Variants in PTPRN2 observed in about 807,000 individuals in gnomAD.
PTPRN2 encodes receptor-type tyrosine-protein phosphatase N2.
A neutral mutation model predicts 118.8 loss-of-function variants in PTPRN2; 74 were observed. The observed-to-expected ratio is 0.62, with a 90% CI of 0.52 to 0.76. The LOEUF (loss-of-function observed/expected upper bound fraction) is 0.76, where lower values mean the gene tolerates loss of function less well. PTPRN2 is among the 30% of genes least tolerant of loss of function. The pLI, the probability that PTPRN2 is intolerant of heterozygous loss-of-function variation, is 0.00. For synonymous variants in PTPRN2, 641 were observed against 608.0 expected, an observed-to-expected ratio of 1.05 and a Z score of -0.80; for missense variants, 1,481 against 1,394.4, an observed-to-expected ratio of 1.06 and a Z score of -0.99.
chr7:157,643,785 T>C (rs1316067422), intron 14 of PTPRN2, among the ~76,000 whole-genome samples: 6 of 152,142 alleles, frequency 3.9e-5, no homozygotes, highest in Non-Finnish European at 7.4e-5. Flanking sequence ...TAGAAAGTGG[T>C]GGTGTCTAAA....
chr7:158,515,333 C>T (rs1422714320), intron 1 of PTPRN2, among the ~76,000 whole-genome samples: 2 of 151,936 alleles, frequency 1.3e-5, no homozygotes, highest in Admixed American at 6.6e-5. Context: ...ATTACAGGCA[C>T]GTGCCACCAT....
At chr7:157,800,057 C>T (rs2151093504) in intron 12 of PTPRN2, among the ~76,000 whole-genome samples, 1 of 151,546 alleles carries the variant, frequency 6.6e-6, no homozygotes, top group African/African-American at 2.4e-5. Context: ...AGCCGGCCTC[C>T]CCCATCCCTT....
At chr7:158,270,859 C>T (rs1372343890) in intron 3 of PTPRN2, among the ~76,000 whole-genome samples, 2 of 56,626 alleles carry the variant, frequency 3.5e-5, no homozygotes, top group African/African-American at 1.5e-4. Context: ...ACCGCCCCCC[C>T]ACCTGGACCG....
intron 3 of PTPRN2, among the ~76,000 whole-genome samples, chr7:158,253,568 G>A (rs773068783): frequency 6.6e-6 from 1 of 152,116 alleles, no homozygotes; most frequent in Non-Finnish European, 1.5e-5. Context: ...CGAAACCCAG[G>A]CCAGGACCGC....
At position 157,868,327 on chromosome 7, in the gene PTPRN2, T is replaced by C. The variant is rs1278126313; in HGVS notation, c.1788+30346A>G. Among the ~76,000 whole-genome samples, 1 of 152,202 alleles carries C rather than the reference T, an allele frequency of 6.6e-6. No homozygotes were observed. The highest frequency in any genetic ancestry group is 1.5e-5 in the Non-Finnish European group (1 of 68,022). ...GAGTTTGCCAAGTGATGAGTTTTCC[T>C]GTCTGAGCTTGTTTCCATCATCTCC... On this transcript the variant is annotated intron_variant, in intron 12 of 22. Transcript: ENST00000389418. This position sits in a 1 kb window ranked among gnomAD's most constrained non-coding sequence, Gnocchi z 5.2.
At chr7:158,276,697 CA>C (rs1419324105) in intron 3 of PTPRN2, among the ~76,000 whole-genome samples, 2 of 152,222 alleles carry the variant, frequency 1.3e-5, no homozygotes, top group African/African-American at 4.8e-5. Flanking sequence ...AGCACTGTGC[CA>C]GGGGCTCCAG....
At chr7:157,890,416 C>T (rs1054456858) in intron 12 of PTPRN2, among the ~76,000 whole-genome samples, 3 of 152,108 alleles carry the variant, frequency 2.0e-5, no homozygotes, top group Admixed American at 6.5e-5. Flanking sequence ...CCAAGGCAGG[C>T]GGATCATGAG....
In PTPRN2 at chr7:158,145,981, C is replaced by A. The variant is rs528211843; in HGVS notation, c.911-7466G>T. 2.6e-5 allele frequency among the ~76,000 whole-genome samples: 4 copies of A among 152,326 alleles called. No individual in the cohort carries two copies. In the South Asian group the frequency reaches 8.3e-4, roughly 32 times the overall value. The stretch of plus-strand genomic sequence containing the variant: ...GGTGACAAGTGAGGCATGGGCCCAG[C>A]ATACTGTAAGTGCTTAATAAATTAT... On this transcript the variant is annotated intron_variant, in intron 6 of 22. Transcript: ENST00000389418.
chr7:157,842,224 G>A (rs532803203), intron 12 of PTPRN2, among the ~76,000 whole-genome samples: 18 of 152,148 alleles, frequency 1.2e-4, no homozygotes, highest in Middle Eastern at 6.8e-3. Flanking sequence ...GTCAAACCAG[G>A]CCTCCCCCAC....
At chr7:158,203,391 T>C (rs1173863738) in intron 4 of PTPRN2, among the ~76,000 whole-genome samples, 1 of 152,190 alleles carries the variant, frequency 6.6e-6, no homozygotes, top group Admixed American at 6.5e-5. Flanking sequence ...CCATTTTTCA[T>C]AATAAAACTG....
chr7:158,146,670 G>C (rs544795116), intron 6 of PTPRN2, among the ~76,000 whole-genome samples: 1 of 146,564 alleles, frequency 6.8e-6, no homozygotes, highest in Non-Finnish European at 1.5e-5. Context: ...GTAGTGAGCT[G>C]AGATCGCGCC....
chr7:157,637,736 C>A (rs1365973992), intron 14 of PTPRN2, among the ~76,000 whole-genome samples: 2 of 152,186 alleles, frequency 1.3e-5, no homozygotes, highest in Non-Finnish European at 1.5e-5. Flanking sequence ...ACAGGGAGAC[C>A]TTTCAGAAGA....
intron 4 of PTPRN2, among the ~76,000 whole-genome samples, chr7:158,204,639 G>C (rs544177867): frequency 1.3e-5 from 2 of 151,974 alleles, no homozygotes; most frequent in Non-Finnish European, 2.9e-5. Flanking sequence ...ACCTCCCTAT[G>C]ACTCAATTTC....
rs142848034 is a variant in PTPRN2, at chr7:157,694,821, T to C, written c.1789-11884A>G. On this transcript the variant is annotated intron_variant, in intron 12 of 22. Transcript: ENST00000389418. ...ACTTCATTTAATAATAAATTTCAAT[T>C]TACATGATTTCAATAACATTTTCAG... Among the ~76,000 whole-genome samples the C allele has an allele frequency of 7.2e-5, 11 of 152,230 alleles. No individual in the cohort carries two copies. In the East Asian group the frequency reaches 1.9e-3, roughly 27 times the overall value.
Position 158,133,812 on chromosome 7 carries a change from T to C in PTPRN2, c.1421A>G (p.Gln474Arg). ...CTTCGAGGGCCCAGGCATCTGGTTT[T>C]GGAGCTCCCCAAACGCAGCGGCCCC... ...EPGAAAFGEL[Q>R]NQMPGPSKEE... is the part of the protein sequence containing the mutation. Residue 474 changes from glutamine to arginine, a missense_variant, in exon 9 of 23, where the codon CAA (glutamine) becomes CGA (arginine). By Grantham distance (43) the Gln-to-Arg change is conservative (BLOSUM62 1). Transcript: ENST00000389418. 1 of 1,614,004 alleles carries C rather than the reference T, an allele frequency of 6.2e-7. No individual in the cohort carries two copies. The highest frequency in any genetic ancestry group is 1.7e-4 in the Middle Eastern group (1 of 6,060).
chr7:157,541,471 T>G (rs1001081717), intron 22 of PTPRN2, among the ~76,000 whole-genome samples: 4 of 152,250 alleles, frequency 2.6e-5, no homozygotes, highest in African/African-American at 9.6e-5. Flanking sequence ...GGGTTCACGA[T>G]GCCAGGACTA....
Position 158,312,043 on chromosome 7 carries a change from A to G in PTPRN2, c.277+4776T>C, listed in dbSNP as rs566053206. Among the ~76,000 whole-genome samples, 4 of 142,814 alleles carry G rather than the reference A, an allele frequency of 2.8e-5. No individual in the cohort carries two copies. In the East Asian group the frequency reaches 8.5e-4, roughly 30 times the overall value. The allele number at this position is 142,814 out of a possible 152,430, so 93.7% of individuals were successfully genotyped here. A position where few individuals can be genotyped will look rare whatever the true frequency, so the allele number is the denominator to read the frequency against. On this transcript the variant is annotated intron_variant, in intron 3 of 22. Coordinates refer to ENST00000389418, the MANE Select transcript of PTPRN2 (RefSeq NM_002847.5). ...CATGCTCACGTGTAGAGACACACAC[A>G]TGCACACACGTGCTCACATGTAGAC...
chr7:157,886,587 A>G (rs62478063), intron 12 of PTPRN2, among the ~76,000 whole-genome samples: 25,332 of 152,308 alleles, frequency 0.17, 2,344 homozygotes, highest in Admixed American at 0.26. Context: ...TGTGCCATTC[A>G]CAATTCCAGG....
intron 12 of PTPRN2, among the ~76,000 whole-genome samples, chr7:157,799,414 A>G (rs1011629168): frequency 6.6e-6 from 1 of 152,108 alleles, no homozygotes; most frequent in African/African-American, 2.4e-5. Flanking sequence ...CACTTACTCA[A>G]CGTCTCCACT....
Sources: gnomAD v4.1 joint callset for allele counts (sites outside exome capture counted in the v4.1 genomes callset) on GRCh38, gnomAD v4.1.1 for gene constraint, Gnocchi (gnomAD v3.1) non-coding constraint, MANE v1.5 for transcripts, NCBI Gene and HGNC (gene_info 2026-07-23, HGNC 2026-07-21) for gene names.